The following MLLT3 variants were observed in gnomAD, a reference collection of about 807,000 sequenced individuals.
MLLT3 encodes MLLT3 super elongation complex subunit, also known as protein AF-9.
Under a neutral mutation model 53.2 loss-of-function variants are expected in MLLT3, and 4 were observed. The observed-to-expected ratio is 0.08, with a 90% CI of 0.04 to 0.17. The LOEUF (loss-of-function observed/expected upper bound fraction) is 0.17, where lower values mean the gene tolerates loss of function less well. Ranked by LOEUF, MLLT3 falls within the 10% of genes least tolerant of loss-of-function variation. The pLI is 1.00. For synonymous variants in MLLT3, 283 were observed against 230.6 expected (o/e 1.23, Z -2.06); for missense variants, 569 against 684.0 (o/e 0.83, Z 1.87).
intron 10 of MLLT3, among the ~76,000 whole-genome samples, chr9:20,349,871 T>C (rs1008809649): frequency 6.6e-6 from 1 of 152,200 alleles, no homozygotes; most frequent in Admixed American, 6.5e-5. Context: ...CACGTTTTTA[T>C]GAGAGCCCAC....
At chr9:20,499,235 A>G (rs1825158049) in intron 2 of MLLT3, among the ~76,000 whole-genome samples, 1 of 152,208 alleles carries the variant, frequency 6.6e-6, no homozygotes, top group South Asian at 2.1e-4. Context: ...CTCATCCTAA[A>G]TTGATCACAT....
chr9:20,373,901 G>C (rs565626882), intron 5 of MLLT3, among the ~76,000 whole-genome samples: 3 of 151,282 alleles, frequency 2.0e-5, no homozygotes, highest in African/African-American at 7.3e-5. Flanking sequence ...ATGCCTGACT[G>C]AAGTATTAGG....
chr9:20,464,225 C>G (rs547228546), intron 2 of MLLT3, among the ~76,000 whole-genome samples: 1 of 151,588 alleles, frequency 6.6e-6, no homozygotes, highest in Admixed American at 6.6e-5. Context: ...TAAAATTATA[C>G]TTTTCATTAA....
intron 2 of MLLT3, among the ~76,000 whole-genome samples, chr9:20,518,449 G>C (rs1446657540): frequency 1.3e-5 from 2 of 152,116 alleles, no homozygotes; most frequent in Admixed American, 1.3e-4. Flanking sequence ...AACACCATGA[G>C]AACATTACAG....
chr9:20,581,488 A>T (rs896802800), intron 2 of MLLT3, among the ~76,000 whole-genome samples: 2 of 152,210 alleles, frequency 1.3e-5, no homozygotes, highest in East Asian at 1.9e-4. Context: ...GGCAACGTAA[A>T]TAAGTCTTCC....
intron 2 of MLLT3, among the ~76,000 whole-genome samples, chr9:20,513,235 C>T (rs1402550616): frequency 1.3e-5 from 2 of 152,190 alleles, no homozygotes; most frequent in African/African-American, 4.8e-5. Context: ...CTGGCAGGTA[C>T]CCTTGTGGCC....
intron 2 of MLLT3, among the ~76,000 whole-genome samples, chr9:20,464,687 C>T (rs1171128044): frequency 6.6e-6 from 1 of 151,878 alleles, no homozygotes; most frequent in African/African-American, 2.4e-5. Flanking sequence ...TATGTGTTGG[C>T]CTGGCAGGAA....
intron 5 of MLLT3, among the ~76,000 whole-genome samples, chr9:20,409,979 T>A (rs866481770): frequency 1.3e-5 from 2 of 152,216 alleles, no homozygotes; most frequent in Non-Finnish European, 2.9e-5. Flanking sequence ...TATGTTCTTG[T>A]CCTTTATCTC....
chr9:20,346,371 AT>A lies in MLLT3; in HGVS notation c.*71del. 2 of 1,429,680 alleles carry A rather than the reference AT, an allele frequency of 1.4e-6. No homozygotes were observed. Among genetic ancestry groups the A allele is most frequent in the South Asian group, 2.9e-5 (2 of 68,100 alleles). 88.6% of individuals were successfully genotyped at this position (1,429,680 alleles called of 1,614,324 possible). A position where few individuals can be genotyped will look rare whatever the true frequency, so the allele number is the denominator to read the frequency against. On this transcript the variant is annotated 3_prime_UTR_variant, in exon 11 of 11. Transcript: ENST00000380338. ...TTCATATAAACAACAAGAACAAAAAATCACAACCAAAAAAAAAAAAAACCAA... is the reference window on the plus strand; with the variant it reads ...TTCATATAAACAACAAGAACAAAAAACACAACCAAAAAAAAAAAAAACCAA...
chr9:20,581,822 A>G (rs1819798987), intron 2 of MLLT3, among the ~76,000 whole-genome samples: 1 of 152,090 alleles, frequency 6.6e-6, no homozygotes. Flanking sequence ...TATTTCTCTA[A>G]GTGATCAACA....
chr9:20,455,341 G>A (rs1012103966), intron 3 of MLLT3, among the ~76,000 whole-genome samples: 1 of 152,204 alleles, frequency 6.6e-6, no homozygotes. Context: ...CTGAATTGAG[G>A]ACTGAGACTG....
In MLLT3 at chr9:20,346,154, G is replaced by C. The variant is rs1435571050; in HGVS notation, c.*289C>G. 13 of 341,512 alleles carry C rather than the reference G, an allele frequency of 3.8e-5. No homozygotes were observed. The East Asian group carries it at 6.1e-4, about 16-fold the overall frequency. 21.2% of individuals were successfully genotyped at this position (341,512 alleles called of 1,614,324 possible). ...CTTTGAGTTTTCTTGTGTTGTGTTTGATTTGTTTGTTTTCAAGGCTATCCA... is the reference window on the plus strand; with the variant it reads ...CTTTGAGTTTTCTTGTGTTGTGTTTCATTTGTTTGTTTTCAAGGCTATCCA... On this transcript the variant is annotated 3_prime_UTR_variant, in exon 11 of 11. Transcript: ENST00000380338.
intron 5 of MLLT3, among the ~76,000 whole-genome samples, chr9:20,400,097 T>C (rs990661351): frequency 4.0e-5 from 6 of 151,160 alleles, no homozygotes; most frequent in Non-Finnish European, 5.9e-5. Context: ...AAGAATATAA[T>C]CTACCCATGA....
chr9:20,361,104 C>G (rs1295960454), intron 7 of MLLT3, among the ~76,000 whole-genome samples: 1 of 152,190 alleles, frequency 6.6e-6, no homozygotes, highest in Admixed American at 6.5e-5. Context: ...CATCTAGGGT[C>G]ACACAGGTAA....
At chr9:20,472,306 C>G (rs1025281007) in intron 2 of MLLT3, among the ~76,000 whole-genome samples, 3 of 152,002 alleles carry the variant, frequency 2.0e-5, no homozygotes, top group Admixed American at 6.6e-5. Context: ...TGAGATGGTT[C>G]CAACCCTCAA....
chr9:20,424,997 A>G (rs1379256305), intron 4 of MLLT3, among the ~76,000 whole-genome samples: 2 of 152,216 alleles, frequency 1.3e-5, no homozygotes, highest in Admixed American at 1.3e-4. Flanking sequence ...ACTAGTGCAG[A>G]CAAGCACAGA....
At chr9:20,357,981 G>GCACA (rs3222132) in intron 8 of MLLT3, among the ~76,000 whole-genome samples, 1,532 of 139,440 alleles carry the variant, frequency 0.011, 23 homozygotes, top group African/African-American at 0.02. Flanking sequence ...TCCCTCCTGC[G>GCACA]CACACACACA....
At chr9:20,498,014 G>A (rs986779885) in intron 2 of MLLT3, among the ~76,000 whole-genome samples, 1 of 151,898 alleles carries the variant, frequency 6.6e-6, no homozygotes, top group African/African-American at 2.4e-5. Flanking sequence ...TTGAGGCCAG[G>A]AGTTCGAGAT....
At chr9:20,492,303 T>A (rs1824967025) in intron 2 of MLLT3, among the ~76,000 whole-genome samples, 1 of 152,030 alleles carries the variant, frequency 6.6e-6, no homozygotes, top group Non-Finnish European at 1.5e-5. Flanking sequence ...AGATCCTTTT[T>A]AACCTGTAAA....
Sources: gnomAD v4.1 joint callset for allele counts (sites outside exome capture counted in the v4.1 genomes callset) on GRCh38, gnomAD v4.1.1 for gene constraint, MANE v1.5 for transcripts, NCBI Gene and HGNC (gene_info 2026-07-23, HGNC 2026-07-21) for gene names.